The following ENOX1 variants were observed in gnomAD, a reference collection of about 807,000 sequenced individuals.
ENOX1 encodes the protein candidate growth-related and time keeping constitutive hydroquinone (NADH) oxidase.
A neutral mutation model predicts 82.5 loss-of-function variants in ENOX1; 42 were observed. The observed-to-expected ratio is 0.51, with a 90% CI of 0.40 to 0.66. ENOX1 has a LOEUF of 0.66. Ranked by LOEUF, ENOX1 falls within the 30% of genes least tolerant of loss-of-function variation. ENOX1 has a pLI of 0.00. For synonymous variants in ENOX1, 271 were observed against 282.2 expected (o/e 0.96, Z 0.40); for missense variants, 608 against 811.6 (o/e 0.75, Z 3.05).
chr13:43,551,992 T>A lies in ENOX1; in HGVS notation c.-218-67840A>T, dbSNP rs1286956350. Reference sequence around the variant, plus strand: ...GCTTCTCTGTATTTTAATGTCCTGCTGGCCTGACCTGGTCTCTACCTGATA... The same window carrying A: ...GCTTCTCTGTATTTTAATGTCCTGCAGGCCTGACCTGGTCTCTACCTGATA... On this transcript the variant is annotated intron_variant, in intron 2 of 16. Transcript: ENST00000690772. Among the ~76,000 whole-genome samples, 3 of 152,196 alleles carry A rather than the reference T, an allele frequency of 2.0e-5. No individual in the cohort carries two copies. The East Asian group carries it at 5.8e-4, about 29-fold the overall frequency.
At chr13:43,641,855 A>T (rs1487913372) in intron 2 of ENOX1, among the ~76,000 whole-genome samples, 1 of 152,094 alleles carries the variant, frequency 6.6e-6, no homozygotes, top group Non-Finnish European at 1.5e-5. Context: ...TTTTTAAAAG[A>T]AGTCTCATGC....
At chr13:43,298,320 A>AT in intron 12 of ENOX1, 26 bp downstream of exon 12, 1 of 1,569,634 alleles carries the variant, frequency 6.4e-7, no homozygotes, top group African/African-American at 1.4e-5. Flanking sequence ...TCTCTCAAAA[A>AT]AAAAAAAAAA....
At chr13:43,634,585 A>G (rs1443174336) in intron 2 of ENOX1, among the ~76,000 whole-genome samples, 1 of 152,200 alleles carries the variant, frequency 6.6e-6, no homozygotes, top group Non-Finnish European at 1.5e-5. Context: ...CAGGCTTTCT[A>G]ACTGCTACAG....
chr13:43,623,560 C>T (rs969599427), intron 2 of ENOX1, among the ~76,000 whole-genome samples: 2 of 152,180 alleles, frequency 1.3e-5, no homozygotes, highest in Non-Finnish European at 2.9e-5. Flanking sequence ...GATGGTCTCA[C>T]TTTCACGGTT....
At chr13:43,435,623 C>T (rs924402554) in intron 3 of ENOX1, among the ~76,000 whole-genome samples, 2 of 152,158 alleles carry the variant, frequency 1.3e-5, no homozygotes, top group East Asian at 3.8e-4. Context: ...TATTTCATTT[C>T]TATTTTAAAA....
chr13:43,668,991 C>T (rs542826770), intron 1 of ENOX1, among the ~76,000 whole-genome samples: 18 of 152,246 alleles, frequency 1.2e-4, no homozygotes, highest in African/African-American at 4.3e-4. Flanking sequence ...TGTGACAGCC[C>T]TTAGGAACAC....
intron 1 of ENOX1, among the ~76,000 whole-genome samples, chr13:43,690,836 GT>G (rs1277927007): frequency 6.6e-6 from 1 of 152,162 alleles, no homozygotes; most frequent in Non-Finnish European, 1.5e-5. Flanking sequence ...ACCACTACTT[GT>G]TTCCCACTGG....
At chr13:43,365,756 A>G (rs1306935217) in intron 5 of ENOX1, among the ~76,000 whole-genome samples, 2 of 152,238 alleles carry the variant, frequency 1.3e-5, no homozygotes, top group Non-Finnish European at 2.9e-5. Flanking sequence ...AGCACAGGTC[A>G]CAGCCTGACC....
At chr13:43,359,730 C>G in intron 7 of ENOX1, 121 bp downstream of exon 7, 2 of 943,018 alleles carry the variant, frequency 2.1e-6, no homozygotes, top group Non-Finnish European at 3.2e-6. Context: ...CAGAATTCCT[C>G]CTTTTCCAGC....
At chr13:43,323,949 C>T (rs1202301219) in intron 10 of ENOX1, among the ~76,000 whole-genome samples, 1 of 152,180 alleles carries the variant, frequency 6.6e-6, no homozygotes, top group African/African-American at 2.4e-5. Context: ...ATCACCCTTG[C>T]AGAAGACAGG....
intron 1 of ENOX1, among the ~76,000 whole-genome samples, chr13:43,770,174 T>C (rs1247384661): frequency 2.0e-5 from 3 of 152,220 alleles, no homozygotes; most frequent in Admixed American, 1.3e-4. Flanking sequence ...GCTTCTTCTT[T>C]AACAAAACTC....
intron 3 of ENOX1, among the ~76,000 whole-genome samples, chr13:43,446,588 C>A (rs2056661910): frequency 6.6e-6 from 1 of 152,220 alleles, no homozygotes; most frequent in African/African-American, 2.4e-5. Context: ...GGCTACCTCT[C>A]TATGCCCTCC....
chr13:43,363,621 GT>G (rs890381139), intron 5 of ENOX1, among the ~76,000 whole-genome samples: 1 of 152,142 alleles, frequency 6.6e-6, no homozygotes, highest in Non-Finnish European at 1.5e-5. Flanking sequence ...GGCTTCATCT[GT>G]TTTTTTCCTG....
At chr13:43,237,391 A>G (rs779640441) in intron 14 of ENOX1, among the ~76,000 whole-genome samples, 2 of 152,222 alleles carry the variant, frequency 1.3e-5, no homozygotes, top group Non-Finnish European at 2.9e-5. Context: ...GATTTAACTC[A>G]TATCATCCTA....
At chr13:43,221,197 C>CA (rs2041767720) in intron 16 of ENOX1, among the ~76,000 whole-genome samples, 1 of 152,188 alleles carries the variant, frequency 6.6e-6, no homozygotes, top group Non-Finnish European at 1.5e-5. Context: ...GAAGAGGCTG[C>CA]AGGTGTGTAG....
intron 2 of ENOX1, among the ~76,000 whole-genome samples, chr13:43,528,454 T>A (rs1202402270): frequency 6.6e-6 from 1 of 152,108 alleles, no homozygotes; most frequent in East Asian, 1.9e-4. Context: ...ATTATTATAA[T>A]CTCACCAAAA....
At chr13:43,330,246 T>C (rs1478044150) in intron 9 of ENOX1, among the ~76,000 whole-genome samples, 5 of 152,210 alleles carry the variant, frequency 3.3e-5, no homozygotes, top group Non-Finnish European at 5.9e-5. Flanking sequence ...CAAGATGGCA[T>C]TGGCATTTGT....
intron 1 of ENOX1, among the ~76,000 whole-genome samples, chr13:43,716,214 T>C (rs1245730607): frequency 6.6e-6 from 1 of 152,194 alleles, no homozygotes; most frequent in Non-Finnish European, 1.5e-5. Context: ...TCTTCGATGA[T>C]GGTGACGTAC....
chr13:43,248,278 T>A (rs2043254691), intron 14 of ENOX1, among the ~76,000 whole-genome samples: 1 of 152,000 alleles, frequency 6.6e-6, no homozygotes. Context: ...CCAGACCTCA[T>A]GGGTGAAAAT....
Sources: allele counts gnomAD v4.1 joint callset (sites outside exome capture counted in the v4.1 genomes callset), GRCh38; gene constraint gnomAD v4.1.1; transcripts MANE v1.5; gene names NCBI Gene and HGNC (gene_info 2026-07-23, HGNC 2026-07-21).